The following THBS3 variants were observed in gnomAD, a reference collection of about 807,000 sequenced individuals.
THBS3 encodes the protein thrombospondin-3.
In THBS3, 78 loss-of-function variants were observed where a neutral mutation model predicts 118.3. That is an observed-to-expected ratio of 0.66 (90% CI 0.55 to 0.80). The LOEUF is 0.80. Ranked by LOEUF, THBS3 falls within the 30% of genes least tolerant of loss-of-function variation. THBS3 has a pLI of 0.00. For synonymous variants in THBS3, 427 were observed against 475.3 expected (o/e 0.90, Z 1.32); for missense variants, 1,057 against 1,247.4 (o/e 0.85, Z 2.30).
intron 16 of THBS3, 126 bp downstream of exon 16, chr1:155,199,678 C>T (rs905426160): frequency 1.7e-5 from 16 of 933,336 alleles, no homozygotes; most frequent in Non-Finnish European, 2.3e-5. Flanking sequence ...TCACTTGACC[C>T]TGGGAGACGG....
rs2147957836 is a variant in THBS3 at position 155,200,668 on chromosome 1, GCACCTA to G, written c.1549-64_1549-59del. On this transcript the variant is annotated intron_variant, in intron 13 of 22. Coordinates refer to ENST00000368378, the MANE Select transcript of THBS3 (RefSeq NM_007112.5). ...TCTCCCCTAAATCACTTGTCATCTT[GCACCTA>G]CCTTGTCTCTGTATCCTTTTCTAAG... 4 of 1,596,760 alleles carry G rather than the reference GCACCTA, an allele frequency of 2.5e-6. No homozygotes were observed. The African/African-American group carries it at 5.3e-5, about 21-fold the overall frequency.
Position 155,197,675 on chromosome 1 carries a change from G to GGGGGGGGC in THBS3, c.2303-17_2303-16insGCCCCCCC. The GGGGGGGGC allele has an allele frequency of 1.1e-5, 9 of 831,594 alleles. No homozygotes were observed. Among genetic ancestry groups the GGGGGGGGC allele is most frequent in the Non-Finnish European group, 1.6e-5 (8 of 512,668 alleles). 51.5% of individuals were successfully genotyped at this position (831,594 alleles called of 1,614,324 possible). A position where few individuals can be genotyped will look rare whatever the true frequency, so the allele number is the denominator to read the frequency against. On this transcript the variant is annotated splice_polypyrimidine_tract_variant and intron_variant, in intron 19 of 22. Transcript: ENST00000368378. The surrounding 1 kb of genome is among the most constrained non-coding windows in gnomAD (Gnocchi z 5.0). ...GCCGTGTATCCTGGGGTGGGGGTGGGATAAAGGTCAGGGGCAGCAAAGCTA... is the reference window on the plus strand; with the variant it reads ...GCCGTGTATCCTGGGGTGGGGGTGGGGGGGGGGCATAAAGGTCAGGGGCAGCAAAGCTA...
In THBS3 at chr1:155,197,986, C is replaced by T. The variant is rs1668973925; in HGVS notation, c.2253+56G>A. The T allele has an allele frequency of 2.5e-6, 4 of 1,614,084 alleles. No individual in the cohort carries two copies. Among genetic ancestry groups the T allele is most frequent in the Non-Finnish European group, 2.5e-6 (3 of 1,179,940 alleles). On this transcript the variant is annotated intron_variant, in intron 18 of 22. Coordinates refer to ENST00000368378, the MANE Select transcript of THBS3 (RefSeq NM_007112.5). The surrounding 1 kb of genome is among the most constrained non-coding windows in gnomAD (Gnocchi z 5.0). ...GCAGGTGTGCTATCCCTCCCAGGCCCCCCGTCCCAGTAGCCCTGTCTGATA... is the reference window on the plus strand; with the variant it reads ...GCAGGTGTGCTATCCCTCCCAGGCCTCCCGTCCCAGTAGCCCTGTCTGATA...
intron 10 of THBS3, 157 bp downstream of exon 10, chr1:155,201,800 C>G (rs1669771449): frequency 8.5e-7 from 1 of 1,175,830 alleles, no homozygotes; most frequent in Admixed American, 2.1e-5. Flanking sequence ...TAGCAAGAGG[C>G]AAACCAGTAT....
rs1319383954 is a variant in THBS3 at position 155,206,797 on chromosome 1, G to A, written c.80-391C>T. ...GTGGAGGTTGCAGTGAGCCGAGATC[G>A]CGCCATTGCACTCCAGCCTGGGCAA... is the stretch of plus-strand genomic sequence containing the variant. On this transcript the variant is annotated intron_variant, in intron 1 of 22. Transcript: ENST00000368378. The surrounding 1 kb of genome is among the most constrained non-coding windows in gnomAD (Gnocchi z 4.2). Among the ~76,000 whole-genome samples the A allele has an allele frequency of 3.3e-5, 5 of 151,964 alleles. No homozygotes were observed. Among genetic ancestry groups the A allele is most frequent in the Admixed American group, 6.6e-5 (1 of 15,254 alleles).
chr1:155,197,660 C>CG lies in THBS3; in HGVS notation c.2303-2_2303-1insC. The stretch of plus-strand genomic sequence containing the variant: ...TCCACACCATTGAAGGCCGTGTATC[C>CG]TGGGGTGGGGGTGGGATAAAGGTCA... On this transcript the variant is annotated splice_acceptor_variant, in intron 19 of 22. Coordinates refer to ENST00000368378, the MANE Select transcript of THBS3 (RefSeq NM_007112.5). LOFTEE classifies it high-confidence loss of function. This position sits in a 1 kb window ranked among gnomAD's most constrained non-coding sequence, Gnocchi z 5.0. 1.8e-6 allele frequency: 1 copy of CG among 541,436 alleles called. No individual in the cohort carries two copies. Among genetic ancestry groups the CG allele is most frequent in the South Asian group, 1.4e-5 (1 of 71,138 alleles). 33.5% of individuals were successfully genotyped at this position (541,436 alleles called of 1,614,324 possible).
Position 155,202,029 on chromosome 1 carries a change from G to T in THBS3, c.1104C>A (p.Cys368Ter), listed in dbSNP as rs1318378184. 1 of 1,614,136 alleles carries T rather than the reference G, an allele frequency of 6.2e-7. No individual in the cohort carries two copies. Among genetic ancestry groups the T allele is most frequent in the South Asian group, 1.1e-5 (1 of 91,084 alleles). ...IDYARASKQV[C>*]NDIDECNDGN... ...CATCGTTGCATTCATCGATGTCATTGCAGACCTGAAGGGGCAGACTTTGGG... is the reference window on the plus strand; with the variant it reads ...CATCGTTGCATTCATCGATGTCATTTCAGACCTGAAGGGGCAGACTTTGGG... The change falls in exon 10 of 23, where the codon TGC (cysteine) becomes TGA (stop). Residue 368 changes from cysteine (C) to a stop codon, truncating the protein, a stop_gained. Coordinates refer to ENST00000368378, the MANE Select transcript of THBS3 (RefSeq NM_007112.5). LOFTEE classifies it high-confidence loss of function. This position sits in a 1 kb window ranked among gnomAD's most constrained non-coding sequence, Gnocchi z 5.5.
chr1:155,195,923 G>C (rs763401895), intron 22 of THBS3, 24 bp from the exon 23 acceptor site: 2 of 1,614,204 alleles, frequency 1.2e-6, no homozygotes. Flanking sequence ...AATAAGTAAG[G>C]TCAGAGGATG....
intron 17 of THBS3, 77 bp downstream of exon 17, chr1:155,198,332 A>G: frequency 6.3e-7 from 1 of 1,586,132 alleles, no homozygotes; most frequent in South Asian, 1.2e-5. Context: ...GCCCTTCCTC[A>G]CTTCCCAACA....
Position 155,197,109 on chromosome 1 carries a change from A to G in THBS3, c.2604T>C (p.Asn868=), listed in dbSNP as rs1668804781. The G allele has an allele frequency of 6.2e-7, 1 of 1,614,064 alleles. No homozygotes were observed. The highest frequency in any genetic ancestry group is 8.5e-7 in the Non-Finnish European group (1 of 1,180,000). ...AGGAGGTCTTGTCCCGCCAGCCCAC[A>G]TTTCGTGGGTCTGTCCACAGCAGTC... ...QVRLLWTDPR[N]VGWRDKTSYR... Residue 868 remains asparagine (N), a synonymous_variant, in exon 21 of 23, where the codon AAT becomes AAC. Coordinates refer to ENST00000368378, the MANE Select transcript of THBS3 (RefSeq NM_007112.5). The surrounding 1 kb of genome is among the most constrained non-coding windows in gnomAD (Gnocchi z 5.0).
chr1:155,208,939 G>A, upstream of THBS3: 1 of 1,609,910 alleles, frequency 6.2e-7, no homozygotes, highest in Non-Finnish European at 8.5e-7. Flanking sequence ...GCTCTCCAGA[G>A]CCTGCCGCGC....
At chr1:155,208,304 C>G (rs963216958), upstream of THBS3, among the ~76,000 whole-genome samples, 2 of 152,198 alleles carry the variant, frequency 1.3e-5, no homozygotes, top group African/African-American at 2.4e-5. Flanking sequence ...CCGCAACTAG[C>G]TTGCTATAGT....
chr1:155,200,182 G>T (rs1669476113), intron 14 of THBS3, 69 bp from the exon 15 acceptor site: 2 of 1,408,612 alleles, frequency 1.4e-6, no homozygotes, highest in African/African-American at 2.9e-5. Flanking sequence ...GTTGGTGAAA[G>T]TCCCGAACTT....
Position 155,202,068 on chromosome 1 carries a change from A to G in THBS3, c.1099-34T>C, listed in dbSNP as rs1669828829. ...GCAGACTTTGGGTGGAACCAGACCT[A>G]TGGTGGGTCTCCTCAGATACAGCAG... On this transcript the variant is annotated intron_variant, in intron 9 of 22. Transcript: ENST00000368378. The surrounding 1 kb of genome is among the most constrained non-coding windows in gnomAD (Gnocchi z 5.5). 2.5e-6 allele frequency: 4 copies of G among 1,614,012 alleles called. No homozygotes were observed. The East Asian group carries it at 8.9e-5, about 36-fold the overall frequency.
At chr1:155,201,652 T>C in intron 10 of THBS3, 83 bp from the exon 11 acceptor site, 3 of 1,468,194 alleles carry the variant, frequency 2.0e-6, no homozygotes, top group Non-Finnish European at 2.8e-6. Context: ...CTGCGGAGTG[T>C]GGGCTGGGCA....
At chr1:155,208,641 G>A, upstream of THBS3, 2 of 728,224 alleles carry the variant, frequency 2.7e-6, no homozygotes, top group African/African-American at 1.8e-5. Context: ...GCAGAGGGGC[G>A]CCTGAGTTCC....
chr1:155,201,454 T>G lies in THBS3; in HGVS notation c.1292A>C (p.His431Pro). 6.2e-7 allele frequency: 1 copy of G among 1,612,688 alleles called. No individual in the cohort carries two copies. The highest frequency in any genetic ancestry group is 8.5e-7 in the Non-Finnish European group (1 of 1,179,270). The change falls in exon 11 of 23, where the codon CAC (histidine) becomes CCC (proline). Residue 431 changes from histidine to proline, a missense_variant. His to Pro is a moderately conservative substitution (Grantham distance 77). Transcript: ENST00000368378. ...PAHSPCHIHA[H>P]CLFERNGAVS... is the part of the protein sequence containing the mutation. Reference sequence around the variant, plus strand: ...TGCACCATTGCGTTCAAAGAGACAGTGAGCATGGATGTGGCAGGGGCTGTG... The same window carrying G: ...TGCACCATTGCGTTCAAAGAGACAGGGAGCATGGATGTGGCAGGGGCTGTG...
intron 4 of THBS3, 36 bp from the exon 5 acceptor site, chr1:155,203,575 G>A (rs763283356): frequency 6.2e-7 from 1 of 1,612,262 alleles, no homozygotes; most frequent in African/African-American, 1.3e-5. Flanking sequence ...AGAGGGGTGA[G>A]GTGAAGTGAA....
chr1:155,201,454 T>C lies in THBS3; in HGVS notation c.1292A>G (p.His431Arg). 4.3e-6 allele frequency: 7 copies of C among 1,612,688 alleles called. No homozygotes were observed. Among genetic ancestry groups the C allele is most frequent in the Non-Finnish European group, 5.9e-6 (7 of 1,179,270 alleles). Residue 431 changes from histidine to arginine, a missense_variant, in exon 11 of 23, where the codon CAC (histidine) becomes CGC (arginine). Physicochemically the swap from His to Arg is conservative, Grantham distance 29. Around this residue, in one of 3 missense-constraint regions of THBS3, gnomAD observed 544 missense variants for 715.6 expected, o/e 0.76. Coordinates refer to ENST00000368378, the MANE Select transcript of THBS3 (RefSeq NM_007112.5). The part of the protein sequence containing the change: ...PAHSPCHIHA[H>R]CLFERNGAVS... ...TGCACCATTGCGTTCAAAGAGACAG[T>C]GAGCATGGATGTGGCAGGGGCTGTG...
Sources: allele counts gnomAD v4.1 joint callset (sites outside exome capture counted in the v4.1 genomes callset), GRCh38; gene constraint gnomAD v4.1.1; regional missense constraint gnomAD v4.1.1; non-coding constraint Gnocchi (gnomAD v3.1); transcripts MANE v1.5; gene names NCBI Gene and HGNC (gene_info 2026-07-23, HGNC 2026-07-21).